The following TCF7L1 variants were observed in gnomAD, a reference collection of about 807,000 sequenced individuals.
TCF7L1 encodes the protein transcription factor 7-like 1.
A neutral mutation model predicts 63.7 loss-of-function variants in TCF7L1; 18 were observed. The ratio of observed to expected loss-of-function variants is 0.28; its 90% confidence interval spans 0.20 to 0.42. The LOEUF (loss-of-function observed/expected upper bound fraction) is 0.42, where lower values mean the gene tolerates loss of function less well. Among genes scored for constraint, TCF7L1 ranks in the 10% least tolerant of loss-of-function variants. TCF7L1 has a pLI of 1.00. For synonymous variants in TCF7L1, 355 were observed against 340.9 expected, an observed-to-expected ratio of 1.04 and a Z score of -0.46; for missense variants, 654 against 779.3, an observed-to-expected ratio of 0.84 and a Z score of 1.91.
chr2:85,296,587 C>T (rs1216903644), intron 4 of TCF7L1, among the ~76,000 whole-genome samples: 2 of 152,186 alleles, frequency 1.3e-5, no homozygotes, highest in Non-Finnish European at 2.9e-5. Context: ...CAAGGCTATG[C>T]CAATGCCCTA....
chr2:85,252,134 C>T (rs1001067638), intron 3 of TCF7L1, among the ~76,000 whole-genome samples: 3 of 152,144 alleles, frequency 2.0e-5, no homozygotes, highest in Non-Finnish European at 2.9e-5. Flanking sequence ...TTGGGTGGTA[C>T]AGTGACAAGA....
At chr2:85,157,929 T>C (rs72932646) in intron 3 of TCF7L1, among the ~76,000 whole-genome samples, 9,135 of 152,226 alleles carry the variant, frequency 0.06, 889 homozygotes, top group African/African-American at 0.21. Context: ...TTAGTGGTAA[T>C]TGTTCATCAT....
intron 3 of TCF7L1, among the ~76,000 whole-genome samples, chr2:85,175,084 G>A (rs531664095): frequency 6.4e-4 from 98 of 152,232 alleles, no homozygotes; most frequent in African/African-American, 2.3e-3. Context: ...TCCCTGGCCC[G>A]CCCGGCGCAG....
At chr2:85,208,308 A>G (rs1679461848) in intron 3 of TCF7L1, among the ~76,000 whole-genome samples, 1 of 152,178 alleles carries the variant, frequency 6.6e-6, no homozygotes, top group African/African-American at 2.4e-5. Context: ...AGTATGGGGT[A>G]CTTTCTAGTA....
chr2:85,193,082 G>A (rs1679072978), intron 3 of TCF7L1, among the ~76,000 whole-genome samples: 1 of 152,180 alleles, frequency 6.6e-6, no homozygotes, highest in Non-Finnish European at 1.5e-5. Context: ...GCCAAAGGTT[G>A]CTTTGTTAGT....
chr2:85,290,290 A>G (rs754449029), intron 4 of TCF7L1, among the ~76,000 whole-genome samples: 8 of 152,066 alleles, frequency 5.3e-5, no homozygotes, highest in Non-Finnish European at 1.2e-4. Flanking sequence ...CCCAGTTTTT[A>G]AGCTAAAGTT....
intron 3 of TCF7L1, among the ~76,000 whole-genome samples, chr2:85,161,034 G>A (rs1678272855): frequency 6.6e-6 from 1 of 152,128 alleles, no homozygotes; most frequent in African/African-American, 2.4e-5. Context: ...GCCCTTAGTG[G>A]GCCGACTTCT....
At chr2:85,258,323 G>C (rs1033902598) in intron 3 of TCF7L1, among the ~76,000 whole-genome samples, 1 of 152,150 alleles carries the variant, frequency 6.6e-6, no homozygotes, top group African/African-American at 2.4e-5. Context: ...ACGGAGCTGA[G>C]GATCCAAAGA....
chr2:85,175,262 AC>A (rs953803398), intron 3 of TCF7L1, among the ~76,000 whole-genome samples: 1 of 151,804 alleles, frequency 6.6e-6, no homozygotes, highest in African/African-American at 2.4e-5. Context: ...CTGCTTTACC[AC>A]CCCCTGCCCC....
At chr2:85,291,674 G>A (rs62162683) in intron 4 of TCF7L1, among the ~76,000 whole-genome samples, 2 of 152,124 alleles carry the variant, frequency 1.3e-5, no homozygotes, top group Non-Finnish European at 2.9e-5. Context: ...TCCACCTCCT[G>A]GGTTCAAGAG....
In TCF7L1 at chr2:85,193,968, T is replaced by TA. The variant is rs61625799; in HGVS notation, c.441+59529dup. On this transcript the variant is annotated intron_variant, in intron 3 of 11. Coordinates refer to ENST00000282111, the MANE Select transcript of TCF7L1 (RefSeq NM_031283.3). The stretch of plus-strand genomic sequence containing the variant: ...GAAATTATTTTAGTATTTAAAAGTT[T>TA]AAAAAAAAAAAGGCCCTCCTGTGGC... Among the ~76,000 whole-genome samples the TA allele has an allele frequency of 7.1e-3, 1,041 of 145,852 alleles. 17 individuals carry two copies. The highest frequency in any genetic ancestry group is 0.03 in the South Asian group (137 of 4,572).
At chr2:85,161,798 G>A (rs939169539) in intron 3 of TCF7L1, among the ~76,000 whole-genome samples, 1 of 152,190 alleles carries the variant, frequency 6.6e-6, no homozygotes, top group African/African-American at 2.4e-5. Context: ...CCAGGATGCT[G>A]GCCTGAGAGC....
intron 3 of TCF7L1, among the ~76,000 whole-genome samples, chr2:85,194,580 T>C (rs1296440846): frequency 6.6e-6 from 1 of 152,122 alleles, no homozygotes; most frequent in Non-Finnish European, 1.5e-5. Flanking sequence ...GGTCAGGGCA[T>C]CTTCTGAGGA....
chr2:85,282,375 G>A (rs1171546117), intron 3 of TCF7L1, among the ~76,000 whole-genome samples: 1 of 152,242 alleles, frequency 6.6e-6, no homozygotes, highest in East Asian at 1.9e-4. Context: ...TCTGCAAAGA[G>A]GCTGCTTGCG....
intron 3 of TCF7L1, among the ~76,000 whole-genome samples, chr2:85,229,551 G>C (rs570007721): frequency 1.3e-5 from 2 of 152,318 alleles, no homozygotes; most frequent in African/African-American, 4.8e-5. Context: ...TACAGAGAAG[G>C]GGGGAGCACA....
At chr2:85,265,066 A>G (rs1680936405) in intron 3 of TCF7L1, among the ~76,000 whole-genome samples, 1 of 152,216 alleles carries the variant, frequency 6.6e-6, no homozygotes, top group African/African-American at 2.4e-5. Context: ...GGGGAGAACC[A>G]TGAACCTGGC....
chr2:85,272,984 A>G (rs1681185900), intron 3 of TCF7L1, among the ~76,000 whole-genome samples: 1 of 152,152 alleles, frequency 6.6e-6, no homozygotes, highest in African/African-American at 2.4e-5. Context: ...AAGACAGGAG[A>G]GTGTCTACAG....
intron 3 of TCF7L1, among the ~76,000 whole-genome samples, chr2:85,229,695 C>T (rs954296316): frequency 2.0e-5 from 3 of 151,974 alleles, no homozygotes; most frequent in African/African-American, 7.3e-5. Context: ...ATCCAGCCAC[C>T]AATATATATC....
rs78801622 is a variant in TCF7L1, at chr2:85,205,969, A to G, written c.441+71519A>G. On this transcript the variant is annotated intron_variant, in intron 3 of 11. Coordinates refer to ENST00000282111, the MANE Select transcript of TCF7L1 (RefSeq NM_031283.3). ...TTGATAAGGACTGCCATCCACTTGG[A>G]TGCTTTCTTCAGAGCCCTGTCACCA... 5.5e-3 allele frequency among the ~76,000 whole-genome samples: 834 copies of G among 152,334 alleles called. 9 individuals are homozygous for G. Among genetic ancestry groups the G allele is most frequent in the African/African-American group, 0.019 (776 of 41,580 alleles).
Sources: gnomAD v4.1 joint callset for allele counts (sites outside exome capture counted in the v4.1 genomes callset) on GRCh38, gnomAD v4.1.1 for gene constraint, MANE v1.5 for transcripts, NCBI Gene and HGNC (gene_info 2026-07-23, HGNC 2026-07-21) for gene names.